Variants in WSCD2 observed in about 807,000 individuals in gnomAD.
WSCD2 encodes the protein WSC domain sialate O sulfotransferase 2.
A neutral mutation model predicts 55.7 loss-of-function variants in WSCD2; 28 were observed. The ratio of observed to expected loss-of-function variants is 0.50; its 90% CI spans 0.37 to 0.69. The LOEUF (loss-of-function observed/expected upper bound fraction) is 0.69. Ranked by LOEUF, WSCD2 falls within the 30% of genes least tolerant of loss-of-function variation. The probability of loss-of-function intolerance (pLI) is 0.00; values close to 1 mark genes in which losing one functional copy is unlikely to be tolerated. For synonymous variants in WSCD2, 301 were observed against 301.9 expected (o/e 1.00, Z 0.03); for missense variants, 616 against 762.1 (o/e 0.81, Z 2.26).
At chr12:108,220,045 C>A (rs1204850619) in intron 4 of WSCD2, among the ~76,000 whole-genome samples, 1 of 152,132 alleles carries the variant, frequency 6.6e-6, no homozygotes, top group Non-Finnish European at 1.5e-5. Context: ...GAGAGAAAAT[C>A]AATGTCCCAC....
At chr12:108,205,261 G>A (rs993850115) in intron 2 of WSCD2, among the ~76,000 whole-genome samples, 1 of 152,136 alleles carries the variant, frequency 6.6e-6, no homozygotes, top group Admixed American at 6.5e-5. Context: ...CATATGAACT[G>A]TGTTACTTTG....
chr12:108,216,160 C>G (rs1017960764), intron 4 of WSCD2, among the ~76,000 whole-genome samples: 1 of 152,174 alleles, frequency 6.6e-6, no homozygotes, highest in African/African-American at 2.4e-5. Flanking sequence ...TGATGTCAAA[C>G]AAGATTGGGG....
chr12:108,180,920 T>C (rs1224211043), intron 1 of WSCD2, among the ~76,000 whole-genome samples: 1 of 152,196 alleles, frequency 6.6e-6, no homozygotes, highest in African/African-American at 2.4e-5. Context: ...CCTGTGAAAA[T>C]GGACCTGCAA....
intron 2 of WSCD2, among the ~76,000 whole-genome samples, chr12:108,204,021 C>T (rs907079106): frequency 1.3e-5 from 2 of 152,230 alleles, no homozygotes; most frequent in Admixed American, 6.5e-5. Context: ...TCAGAACATA[C>T]ACCATATGCC....
At chr12:108,134,949 A>G (rs1309658774) in intron 1 of WSCD2, among the ~76,000 whole-genome samples, 1 of 152,144 alleles carries the variant, frequency 6.6e-6, no homozygotes, top group Non-Finnish European at 1.5e-5. Context: ...GTTTTTAACC[A>G]TGATGTCATA....
chr12:108,250,161 A>G lies in WSCD2; in HGVS notation c.*1818A>G. On this transcript the variant is annotated 3_prime_UTR_variant, in exon 9 of 9. Transcript: ENST00000547525. ...TGTGTAAGACAGGTTCACAAATGGG[A>G]TGTTTTCCTAGTGTGTGTGTGTGTG... is the stretch of plus-strand genomic sequence containing the variant. 7.0e-6 allele frequency: 1 copy of G among 142,218 alleles called. No homozygotes were observed. Among genetic ancestry groups the G allele is most frequent in the Non-Finnish European group, 1.5e-5 (1 of 66,262 alleles). The allele number at this position is 142,218 out of a possible 1,614,324, so 8.8% of individuals were successfully genotyped here.
chr12:108,223,990 T>C (rs1887806763), intron 4 of WSCD2, among the ~76,000 whole-genome samples: 1 of 152,244 alleles, frequency 6.6e-6, no homozygotes, highest in Admixed American at 6.5e-5. Context: ...TTTCTTTCTC[T>C]GAGAGCACAC....
At chr12:108,239,387 C>T (rs566934652) in intron 7 of WSCD2, among the ~76,000 whole-genome samples, 1 of 152,202 alleles carries the variant, frequency 6.6e-6, no homozygotes, top group African/African-American at 2.4e-5. Context: ...TTTGGTTGAG[C>T]TGACTGGGCT....
intron 7 of WSCD2, among the ~76,000 whole-genome samples, chr12:108,234,381 G>T (rs1889085144): frequency 6.6e-6 from 1 of 152,208 alleles, no homozygotes; most frequent in African/African-American, 2.4e-5. Context: ...GACTGGGGGA[G>T]AAAAGCAAGA....
chr12:108,166,805 C>CTTTCTTTCTT (rs1338166623), intron 1 of WSCD2, among the ~76,000 whole-genome samples: 119 of 132,254 alleles, frequency 9.0e-4, no homozygotes, highest in African/African-American at 3.3e-3. Flanking sequence ...TTCTTTCTTT[C>CTTTCTTTCTT]TCTCTTTTTT....
intron 1 of WSCD2, among the ~76,000 whole-genome samples, chr12:108,132,568 C>T (rs757312397): frequency 1.4e-4 from 21 of 152,048 alleles, no homozygotes; most frequent in African/African-American, 3.6e-4. Context: ...ATTTGTGAAT[C>T]GGTGCAAGGG....
intron 2 of WSCD2, among the ~76,000 whole-genome samples, chr12:108,202,504 T>A (rs1258567807): frequency 6.6e-6 from 1 of 152,206 alleles, no homozygotes; most frequent in Non-Finnish European, 1.5e-5. Flanking sequence ...CAGAGCACCA[T>A]TTAAAAGCCC....
intron 1 of WSCD2, among the ~76,000 whole-genome samples, chr12:108,133,852 A>G (rs1875883309): frequency 6.6e-6 from 1 of 152,216 alleles, no homozygotes; most frequent in South Asian, 2.1e-4. Flanking sequence ...CACAGGTATA[A>G]TTTTAGGCAG....
In WSCD2 at chr12:108,195,972, G is replaced by A. The variant is rs753595241; in HGVS notation, c.140G>A (p.Gly47Glu). The A allele has an allele frequency of 2.5e-5, 40 of 1,614,190 alleles. 1 individual carries two copies. In the South Asian group the frequency reaches 3.6e-4, roughly 15 times the overall value. Residue 47 changes from glycine to glutamate, a missense_variant, in exon 2 of 9, where the codon GGG becomes GAG. By Grantham distance (98) the Gly-to-Glu change is moderately conservative (BLOSUM62 -2). Coordinates refer to ENST00000547525, the MANE Select transcript of WSCD2 (RefSeq NM_014653.4). Reference protein sequence around the residue: ...SGFVGQPAVSGNQANPAAAGG... With the variant: ...SGFVGQPAVSENQANPAAAGG... ...TTTGTGGGCCAGCCCGCTGTCTCGG[G>A]GAACCAGGCGAACCCCGCTGCTGCA...
At chr12:108,142,452 G>A (rs1876920461) in intron 1 of WSCD2, among the ~76,000 whole-genome samples, 1 of 152,190 alleles carries the variant, frequency 6.6e-6, no homozygotes, top group African/African-American at 2.4e-5. Flanking sequence ...TTCTAACCCA[G>A]CAGCTTCAGG....
intron 3 of WSCD2, among the ~76,000 whole-genome samples, 171 bp downstream of exon 3, chr12:108,206,574 C>A (rs762587354): frequency 6.6e-6 from 1 of 152,340 alleles, no homozygotes. Flanking sequence ...ATAAGCACAT[C>A]CACACAACTG....
At chr12:108,202,303 T>G (rs1157920580) in intron 2 of WSCD2, among the ~76,000 whole-genome samples, 1 of 152,146 alleles carries the variant, frequency 6.6e-6, no homozygotes, top group Non-Finnish European at 1.5e-5. Flanking sequence ...CTCAGTCCAT[T>G]AATCAGGCCG....
At chr12:108,178,194 C>G (rs1487815843) in intron 1 of WSCD2, among the ~76,000 whole-genome samples, 1 of 152,052 alleles carries the variant, frequency 6.6e-6, no homozygotes, top group Non-Finnish European at 1.5e-5. Flanking sequence ...CTTCCTACCC[C>G]TCTCCTTGGC....
At chr12:108,186,242 C>T (rs757798580) in intron 1 of WSCD2, among the ~76,000 whole-genome samples, 4 of 152,092 alleles carry the variant, frequency 2.6e-5, no homozygotes, top group East Asian at 1.9e-4. Context: ...CAAAATTGAG[C>T]GGCAAGTACA....
Sources: gnomAD v4.1 joint callset for allele counts (sites outside exome capture counted in the v4.1 genomes callset) on GRCh38, gnomAD v4.1.1 for gene constraint, MANE v1.5 for transcripts, NCBI Gene and HGNC (gene_info 2026-07-23, HGNC 2026-07-21) for gene names.